TTN: variants seen among roughly 807,000 people sequenced by gnomAD.
TTN encodes the protein titin, also known as connectin.
In TTN, 1,525 loss-of-function variants were observed where a neutral mutation model predicts 3,223.0. The ratio of observed to expected loss-of-function variants is 0.47; its 90% CI spans 0.45 to 0.49. The LOEUF (loss-of-function observed/expected upper bound fraction) is 0.49, where lower values mean the gene tolerates loss of function less well. TTN is among the 20% of genes least tolerant of loss of function. TTN has a pLI of 0.00. For synonymous variants in TTN, 14,094 were observed against 15,161.0 expected (o/e 0.93, Z 5.17); for missense variants, 40,786 against 43,424.0 (o/e 0.94, Z 5.40).
Position 178,732,964 on chromosome 2 carries a change from C to G in TTN, c.16212G>C (p.Arg5404Ser), listed in dbSNP as rs758704167. The G allele has an allele frequency of 1.3e-5, 21 of 1,613,476 alleles. No homozygotes were observed. Among genetic ancestry groups the G allele is most frequent in the Non-Finnish European group, 1.7e-5 (20 of 1,179,744 alleles). ...AGGCTGTGCCTTCCACAAATGCTAT[C>G]CTGTATCTGTCAGAAGCAGCTATTT... The part of the protein sequence containing the change: ...GKEIAASDRY[R>S]IAFVEGTASL... The change falls in exon 55 of 363, where the codon AGG (arginine) becomes AGC (serine). Residue 5404 changes from arginine (R) to serine (S), a missense_variant. Transcript: ENST00000589042.
Position 178,562,713 on chromosome 2 carries a change from C to G in TTN, c.83419G>C (p.Glu27807Gln), listed in dbSNP as rs1439000157. 6.3e-7 allele frequency: 1 copy of G among 1,596,956 alleles called. No individual in the cohort carries two copies. The highest frequency in any genetic ancestry group is 1.8e-5 in the Admixed American group (1 of 57,060). ...GTAGCATAGGCTTTTCTTGTAGTTT[C>G]TCGTTTTTCGACAATGTAGTTTGTA... ...KITNYIVEKR[E>Q]TTRKAYATIT... The change falls in exon 326 of 363, where the codon GAA becomes CAA. Residue 27807 changes from glutamate to glutamine, a missense_variant. By Grantham distance (29) the Glu-to-Gln change is conservative. Coordinates refer to ENST00000589042, the MANE Select transcript of TTN (RefSeq NM_001267550.2).
In TTN at chr2:178,609,370, A is replaced by T; in HGVS notation, c.51940T>A (p.Phe17314Ile). ...RKGEVQEEEP[F>I]VLPLTQRLSI... ...AAACGCTGTGTCAGAGGCAGGACAAATGGTTCTTCTTCTTGAACTTCACCC... is the reference window on the plus strand; with the variant it reads ...AAACGCTGTGTCAGAGGCAGGACAATTGGTTCTTCTTCTTGAACTTCACCC... Residue 17314 changes from phenylalanine to isoleucine, a missense_variant, in exon 273 of 363, where the codon TTT becomes ATT. Phe to Ile is a conservative substitution (Grantham distance 21). Coordinates refer to ENST00000589042, the MANE Select transcript of TTN (RefSeq NM_001267550.2). 1 of 1,612,262 alleles carries T rather than the reference A, an allele frequency of 6.2e-7. No individual in the cohort carries two copies. The highest frequency in any genetic ancestry group is 8.5e-7 in the Non-Finnish European group (1 of 1,179,010).
chr2:178,667,674 T>G lies in TTN; in HGVS notation c.35593A>C (p.Thr11865Pro). 6.3e-7 allele frequency: 1 copy of G among 1,597,416 alleles called. No homozygotes were observed. The highest frequency in any genetic ancestry group is 8.5e-7 in the Non-Finnish European group (1 of 1,179,264). Residue 11865 changes from threonine to proline, a missense_variant, in exon 160 of 363, where the codon ACT (threonine) becomes CCT (proline). Coordinates refer to ENST00000589042, the MANE Select transcript of TTN (RefSeq NM_001267550.2). ...EAVLEEKVLV[T>P]QPQKTKPKLA... ...TTGGGTTTTGTCTTTTGAGGTTGAG[T>G]CACAAGTACTTTTTCTTCTAGGACT...
Position 178,647,418 on chromosome 2 carries a change from C to A in TTN, c.40104G>T (p.Val13368=). 1 of 1,549,722 alleles carries A rather than the reference C, an allele frequency of 6.5e-7. No homozygotes were observed. The highest frequency in any genetic ancestry group is 2.0e-5 in the Admixed American group (1 of 50,932). ...EKIIPEKEVS[V]PIPAEPEVPP... ...GAACTTCTGGCTCTGCAGGGATAGG[C>A]ACAGACACTTCCTTTTCTGGGATGA... Residue 13368 remains valine (V), a synonymous_variant, in exon 214 of 363, where the codon GTG becomes GTT. Coordinates refer to ENST00000589042, the MANE Select transcript of TTN (RefSeq NM_001267550.2).
rs113823139 is a variant in TTN, at chr2:178,541,116, C to T, written c.97795+166G>A. ...GGAAGGGACTGATTACAAACGGACACAAGGGAACTTTACGGGGTAATAAAA... is the reference window on the plus strand; with the variant it reads ...GGAAGGGACTGATTACAAACGGACATAAGGGAACTTTACGGGGTAATAAAA... On this transcript the variant is annotated intron_variant, in intron 350 of 362. Coordinates refer to ENST00000589042, the MANE Select transcript of TTN (RefSeq NM_001267550.2). The T allele has an allele frequency of 9.0e-3, 5,740 of 634,466 alleles. 43 individuals carry two copies. The highest frequency in any genetic ancestry group is 0.011 in the Non-Finnish European group (4,804 of 421,832). The allele number at this position is 634,466 out of a possible 1,614,324, so 39.3% of individuals were successfully genotyped here.
At position 178,701,731 on chromosome 2, in the gene TTN, T is replaced by C. The variant is rs2075037728; in HGVS notation, c.30539-144A>G. 10 of 849,870 alleles carry C rather than the reference T, an allele frequency of 1.2e-5. No homozygotes were observed. The East Asian group carries it at 2.7e-4, about 23-fold the overall frequency. The allele number at this position is 849,870 out of a possible 1,614,324, so 52.6% of individuals were successfully genotyped here. ...TAATATACAGACAAAATAATATTAGTATTCTTTTGTATGCAACCACGCAGG... is the reference window on the plus strand; with the variant it reads ...TAATATACAGACAAAATAATATTAGCATTCTTTTGTATGCAACCACGCAGG... On this transcript the variant is annotated intron_variant, in intron 109 of 362. Transcript: ENST00000589042.
chr2:178,652,901 T>A lies in TTN; in HGVS notation c.38906A>T (p.Glu12969Val). 3.1e-6 allele frequency: 5 copies of A among 1,609,946 alleles called. No homozygotes were observed. Among genetic ancestry groups the A allele is most frequent in the Non-Finnish European group, 4.2e-6 (5 of 1,178,432 alleles). Residue 12969 changes from glutamate to valine, a missense_variant, in exon 200 of 363, where the codon GAA becomes GTA. Transcript: ENST00000589042. ...AGGAGGAGCCAAGGGCATTTTCTTT[T>A]CAGGAACAACCTCTATGGGAGCCTC... ...VPEAPIEVVP[E>V]KKMPLAPPKK...
rs781692388 is a variant in TTN, at chr2:178,713,289, C to G, written c.26845G>C (p.Val8949Leu). 62 of 1,604,900 alleles carry G rather than the reference C, an allele frequency of 3.9e-5. No individual in the cohort carries two copies. The highest frequency in any genetic ancestry group is 5.2e-5 in the Non-Finnish European group (61 of 1,175,124). ...ACAGAGATTGGAGGTGACCCATAGA[C>G]TTTACACTCCATTACAACTGAGGAG... is the stretch of plus-strand genomic sequence containing the variant. Reference protein sequence around the residue: ...SGSSVVMECKVYGSPPISVSW... With the variant: ...SGSSVVMECKLYGSPPISVSW... The change falls in exon 93 of 363, where the codon GTC becomes CTC. Residue 8949 changes from valine (V) to leucine (L), a missense_variant. Physicochemically the swap from Val to Leu is conservative, Grantham distance 32. Transcript: ENST00000589042.
chr2:178,745,929 T>C, intron 47 of TTN: 1 of 1,608,900 alleles, frequency 6.2e-7, no homozygotes, highest in Non-Finnish European at 8.5e-7. Flanking sequence ...AATTCTTCCA[T>C]TAAACTGCTT....
intron 133 of TTN, among the ~76,000 whole-genome samples, 188 bp downstream of exon 133, chr2:178,683,811 T>G (rs1016613837): frequency 6.6e-6 from 1 of 151,710 alleles, no homozygotes; most frequent in Admixed American, 6.6e-5. Flanking sequence ...GAAGCCTCAC[T>G]TTTTTTTAAG....
At chr2:178,678,890 G>T in intron 142 of TTN, 60 bp from the exon 143 acceptor site, 15 of 1,425,366 alleles carry the variant, frequency 1.1e-5, no homozygotes, top group Non-Finnish European at 1.4e-5. Context: ...AGATTTTAAG[G>T]CTGGCAATGT....
rs1259283214 is a variant in TTN, at chr2:178,802,168, C to T, written c.265G>A (p.Ala89Thr). Residue 89 changes from alanine to threonine, a missense_variant, in exon 3 of 363, where the codon GCG becomes ACG. Coordinates refer to ENST00000589042, the MANE Select transcript of TTN (RefSeq NM_001267550.2). Reference protein sequence around the residue: ...SLKATNGSGQATSTAELLVKA... With the variant: ...SLKATNGSGQTTSTAELLVKA... ...ACGAGAAGCTCAGCAGTACTAGTCG[C>T]TTGTCCAGATCCATTGGTGGCTTTC... 1 of 1,614,142 alleles carries T rather than the reference C, an allele frequency of 6.2e-7. No individual in the cohort carries two copies. The highest frequency in any genetic ancestry group is 1.3e-5 in the African/African-American group (1 of 75,060).
chr2:178,617,738 G>GAT, intron 253 of TTN, 41 bp downstream of exon 253: 1 of 1,600,282 alleles, frequency 6.2e-7, no homozygotes, highest in South Asian at 1.1e-5. Context: ...CTAATATCTG[G>GAT]ATTTCATGCA....
Position 178,764,228 on chromosome 2 carries a change from C to T in TTN, c.10063G>A (p.Val3355Ile). Residue 3355 changes from valine (V) to isoleucine (I), a missense_variant, in exon 43 of 363, where the codon GTC becomes ATC. Coordinates refer to ENST00000589042, the MANE Select transcript of TTN (RefSeq NM_001267550.2). The stretch of plus-strand genomic sequence containing the variant: ...CGGGCTGGCTGCCCTTCAGAAGTGA[C>T]AGTGTCCTGAAGCGGGGTGATGATG... ...PAIITPLQDT[V>I]TSEGQPARFQ... 6.2e-7 allele frequency: 1 copy of T among 1,614,088 alleles called. No homozygotes were observed. Among genetic ancestry groups the T allele is most frequent in the Non-Finnish European group, 8.5e-7 (1 of 1,179,976 alleles).
At position 178,583,902 on chromosome 2, in the gene TTN, A is replaced by G. The variant is rs374177732; in HGVS notation, c.65280T>C (p.Pro21760=). 9 of 1,564,214 alleles carry G rather than the reference A, an allele frequency of 5.8e-6. No individual in the cohort carries two copies. Among genetic ancestry groups the G allele is most frequent in the African/African-American group, 1.4e-5 (1 of 73,702 alleles). Residue 21760 remains proline, a synonymous_variant, in exon 312 of 363, where the codon CCT becomes CCC. Transcript: ENST00000589042. The part of the protein sequence containing the change: ...EYVTARMPVD[P]PGKPEVIDVT... ...CATCAATAACCTCAGGTTTCCCAGG[A>G]GGATCTAAAACAAAAAGAGGTACAC...
At position 178,527,022 on chromosome 2, in the gene TTN, C is replaced by T. The variant is rs555418549; in HGVS notation, c.107966G>A (p.Arg35989Gln). 15 of 1,611,164 alleles carry T rather than the reference C, an allele frequency of 9.3e-6. No homozygotes were observed. Among genetic ancestry groups the T allele is most frequent in the East Asian group, 2.2e-5 (1 of 44,838 alleles). ...AGGGCACAGGCCCTCTTAAATGGAT[C>T]GAATATGTATATTCACAGTGGCAGA... is the stretch of plus-strand genomic sequence containing the variant. ...SDSATVNIHI[R>Q]SI Residue 35989 changes from arginine (R) to glutamine (Q), a missense_variant, in exon 363 of 363, where the codon CGA (arginine) becomes CAA (glutamine). Physicochemically the swap from Arg to Gln is conservative, Grantham distance 43. Transcript: ENST00000589042.
rs2080510876 is a variant in TTN, at chr2:178,731,569, T to C, written c.17197A>G (p.Ile5733Val). Residue 5733 changes from isoleucine to valine, a missense_variant, in exon 59 of 363, where the codon ATA becomes GTA. Coordinates refer to ENST00000589042, the MANE Select transcript of TTN (RefSeq NM_001267550.2). ...RVTLREPPSFIKKIESTSSLR... is the reference protein window; with the variant it reads ...RVTLREPPSFVKKIESTSSLR... ...GAGCTGGTACTCTCGATCTTCTTTATGAAGGATGGGGGTTCTAACAGAAGA... is the reference window on the plus strand; with the variant it reads ...GAGCTGGTACTCTCGATCTTCTTTACGAAGGATGGGGGTTCTAACAGAAGA... 2 of 1,604,622 alleles carry C rather than the reference T, an allele frequency of 1.2e-6. No homozygotes were observed. The highest frequency in any genetic ancestry group is 1.1e-5 in the South Asian group (1 of 90,016).
chr2:178,727,947 C>T lies in TTN; in HGVS notation c.19715-84G>A, dbSNP rs1009527819. The T allele has an allele frequency of 5.5e-6, 8 of 1,448,896 alleles. No individual in the cohort carries two copies. In the African/African-American group the frequency reaches 1.0e-4, roughly 18 times the overall value. 89.8% of individuals were successfully genotyped at this position (1,448,896 alleles called of 1,614,324 possible). A position where few individuals can be genotyped will look rare whatever the true frequency, so the allele number is the denominator to read the frequency against. On this transcript the variant is annotated intron_variant, in intron 67 of 362. Transcript: ENST00000589042. ...AGTTTTATGGACATTTAAGAAAACACTCTTGGAAAGAGGCAATGGCTGAAT... is the reference window on the plus strand; with the variant it reads ...AGTTTTATGGACATTTAAGAAAACATTCTTGGAAAGAGGCAATGGCTGAAT...
In TTN at chr2:178,579,929, A is replaced by T. The variant is rs761903111; in HGVS notation, c.67348+10T>A. 1 of 1,612,948 alleles carries T rather than the reference A, an allele frequency of 6.2e-7. No individual in the cohort carries two copies. Among genetic ancestry groups the T allele is most frequent in the East Asian group, 2.2e-5 (1 of 44,736 alleles). ...ACTCAAAATGATGGGATGATGGTTC[A>T]TTTGCTTACGGGAAGCTTTGACAGC... On this transcript the variant is annotated intron_variant, in intron 318 of 362. Coordinates refer to ENST00000589042, the MANE Select transcript of TTN (RefSeq NM_001267550.2).
Sources: gnomAD v4.1 joint callset for allele counts (sites outside exome capture counted in the v4.1 genomes callset) on GRCh38, gnomAD v4.1.1 for gene constraint, MANE v1.5 for transcripts, NCBI Gene and HGNC (gene_info 2026-07-23, HGNC 2026-07-21) for gene names.